Variants in C1orf167 observed in about 807,000 individuals in gnomAD.
C1orf167 encodes uncharacterized protein C1orf167.
Under a neutral mutation model 176.5 loss-of-function variants are expected in C1orf167, and 153 were observed. That is an observed-to-expected ratio of 0.87 (90% CI 0.76 to 0.99). C1orf167 has a LOEUF of 0.99. Among genes scored for constraint, C1orf167 ranks in the 50% least tolerant of loss-of-function variants. The pLI is 0.00. For synonymous variants in C1orf167, 594 were observed against 752.7 expected (o/e 0.79, Z 3.45); for missense variants, 1,490 against 1,817.7 (o/e 0.82, Z 3.28).
At chr1:11,786,837 A>C (rs1227081488) in intron 16 of C1orf167, 1 of 152,210 alleles carries the variant, frequency 6.6e-6, no homozygotes, top group African/African-American at 2.4e-5. Flanking sequence ...CAGATTCTGG[A>C]GTCTCAGGGT....
chr1:11,772,623 T>C (rs1283073682), intron 8 of C1orf167, among the ~76,000 whole-genome samples: 3 of 151,970 alleles, frequency 2.0e-5, no homozygotes, highest in East Asian at 1.9e-4. Flanking sequence ...AGGATGCAAA[T>C]AGGAAATGAA....
rs1378173368 is a variant in C1orf167, at chr1:11,779,889, G to T, written c.2739G>T (p.Arg913Ser). 1.5e-6 allele frequency: 2 copies of T among 1,303,150 alleles called. No homozygotes were observed. The highest frequency in any genetic ancestry group is 2.0e-6 in the Non-Finnish European group (2 of 988,864). 80.7% of individuals were successfully genotyped at this position (1,303,150 alleles called of 1,614,324 possible). ...ACCGGGCCTGGGATCGGACCTGCAGGGCTGTGCTGGGCCTGTGGCGTCAGC... is the reference window on the plus strand; with the variant it reads ...ACCGGGCCTGGGATCGGACCTGCAGTGCTGTGCTGGGCCTGTGGCGTCAGC... ...ASHRAWDRTC[R>S]AVLGLWRQRL... The change falls in exon 13 of 21, where the codon AGG becomes AGT. Residue 913 changes from arginine to serine, a missense_variant. By Grantham distance (110) the Arg-to-Ser change is moderately radical. Coordinates refer to ENST00000688073, the MANE Select transcript of C1orf167 (RefSeq NM_001010881.2).
In C1orf167 at chr1:11,766,931, C is replaced by T. The variant is rs1432343076; in HGVS notation, c.1145C>T (p.Thr382Ile). Reference sequence around the variant, plus strand: ...CCTCGAGGGGTGGGAAGCAGGGGGACCGACCCCTGTTCCTCAGCCTTCTCC... The same window carrying T: ...CCTCGAGGGGTGGGAAGCAGGGGGATCGACCCCTGTTCCTCAGCCTTCTCC... ...SLPRGVGSRG[T>I]DPCSSAFSNT... Residue 382 changes from threonine to isoleucine, a missense_variant, in exon 3 of 21, where the codon ACC becomes ATC. Thr to Ile is a moderately conservative substitution (Grantham distance 89). Coordinates refer to ENST00000688073, the MANE Select transcript of C1orf167 (RefSeq NM_001010881.2). This position sits in a 1 kb window ranked among gnomAD's most constrained non-coding sequence, Gnocchi z 4.5. 1 of 1,215,086 alleles carries T rather than the reference C, an allele frequency of 8.2e-7. No individual in the cohort carries two copies. The highest frequency in any genetic ancestry group is 1.1e-6 in the Non-Finnish European group (1 of 951,644). 75.3% of individuals were successfully genotyped at this position (1,215,086 alleles called of 1,614,324 possible). A position where few individuals can be genotyped will look rare whatever the true frequency, so the allele number is the denominator to read the frequency against.
Position 11,789,527 on chromosome 1 carries a change from T to TGAC in C1orf167, c.*82_*84dup. 1 of 1,202,264 alleles carries TGAC rather than the reference T, an allele frequency of 8.3e-7. No individual in the cohort carries two copies. Among genetic ancestry groups the TGAC allele is most frequent in the Non-Finnish European group, 1.1e-6 (1 of 917,074 alleles). 74.5% of individuals were successfully genotyped at this position (1,202,264 alleles called of 1,614,324 possible). On this transcript the variant is annotated 3_prime_UTR_variant, in exon 21 of 21. Coordinates refer to ENST00000688073, the MANE Select transcript of C1orf167 (RefSeq NM_001010881.2). ...CATGCCCCACACATCCAGGGAGTGA[T>TGAC]GACAGAGGGGACAGCTTGAAGAGCT...
chr1:11,779,725 G>A, intron 12 of C1orf167, 77 bp from the exon 13 acceptor site: 1 of 1,102,210 alleles, frequency 9.1e-7, no homozygotes, highest in Non-Finnish European at 1.2e-6. Flanking sequence ...GAGAGGAAGA[G>A]AAAGGAGGGT....
At chr1:11,765,753 G>A (rs977319678) in intron 2 of C1orf167, 104 bp from the exon 3 acceptor site, 15 of 1,067,256 alleles carry the variant, frequency 1.4e-5, no homozygotes, top group African/African-American at 1.2e-4. Flanking sequence ...GCTCCCTCCC[G>A]CTGCTGGGGC....
intron 14 of C1orf167, 129 bp downstream of exon 14, chr1:11,782,462 A>G: frequency 9.9e-6 from 9 of 907,830 alleles, no homozygotes; most frequent in Non-Finnish European, 1.3e-5. Flanking sequence ...AAAAAGGGGC[A>G]TGAAGGGAGA....
At chr1:11,780,139 T>C (rs528252967) in intron 13 of C1orf167, 129 bp downstream of exon 13, 2 of 622,320 alleles carry the variant, frequency 3.2e-6, no homozygotes, top group Admixed American at 7.8e-5. Context: ...GAGGCTAAGC[T>C]ACATCTGGAC....
At position 11,766,324 on chromosome 1, in the gene C1orf167, G is replaced by A. The variant is rs950241079; in HGVS notation, c.538G>A (p.Asp180Asn). The change falls in exon 3 of 21, where the codon GAC (aspartate) becomes AAC (asparagine). Residue 180 changes from aspartate (D) to asparagine (N), a missense_variant. Coordinates refer to ENST00000688073, the MANE Select transcript of C1orf167 (RefSeq NM_001010881.2). This position sits in a 1 kb window ranked among gnomAD's most constrained non-coding sequence, Gnocchi z 4.5. ...GCCGGCCCCAGGCACCCCTAGCGGG[G>A]ACTTCAGGCCCACTGAAGCCTTTGC... ...GLPAPGTPSGDFRPTEAFAPL... is the reference protein window; with the variant it reads ...GLPAPGTPSGNFRPTEAFAPL... 31 of 1,287,294 alleles carry A rather than the reference G, an allele frequency of 2.4e-5. No homozygotes were observed. Among genetic ancestry groups the A allele is most frequent in the Non-Finnish European group, 2.8e-5 (28 of 987,946 alleles). 79.7% of individuals were successfully genotyped at this position (1,287,294 alleles called of 1,614,324 possible). A position where few individuals can be genotyped will look rare whatever the true frequency, so the allele number is the denominator to read the frequency against.
intron 13 of C1orf167, among the ~76,000 whole-genome samples, chr1:11,781,459 G>A (rs1173904849): frequency 6.6e-6 from 1 of 152,142 alleles, no homozygotes; most frequent in Non-Finnish European, 1.5e-5. Flanking sequence ...CCACTACACC[G>A]ACATATCGCA....
chr1:11,775,967 T>A (rs1643292988), intron 9 of C1orf167, among the ~76,000 whole-genome samples: 1 of 152,106 alleles, frequency 6.6e-6, no homozygotes. Context: ...ACCCCAAAAC[T>A]TAACTGGGGG....
intron 9 of C1orf167, 47 bp from the exon 10 acceptor site, chr1:11,776,417 T>C: frequency 7.9e-7 from 1 of 1,273,760 alleles, no homozygotes; most frequent in Non-Finnish European, 1.0e-6. Context: ...GTGGGCAGAG[T>C]GAGGTCAGTG....
chr1:11,765,599 C>T (rs1215376819), intron 2 of C1orf167, among the ~76,000 whole-genome samples: 1 of 151,920 alleles, frequency 6.6e-6, no homozygotes, highest in Non-Finnish European at 1.5e-5. Context: ...CGTCATCTCT[C>T]TCCTGGGACC....
intron 16 of C1orf167, among the ~76,000 whole-genome samples, chr1:11,785,532 T>C (rs980717176): frequency 1.8e-4 from 27 of 152,164 alleles, no homozygotes; most frequent in African/African-American, 6.3e-4. Flanking sequence ...TCCCCAGTTC[T>C]CAGTCAGCCT....
chr1:11,784,073 G>A (rs1031610920), intron 14 of C1orf167, 101 bp from the exon 15 acceptor site: 118 of 1,087,402 alleles, frequency 1.1e-4, no homozygotes, highest in Non-Finnish European at 1.3e-4. Flanking sequence ...GGTCAGGCTG[G>A]TCTCAAACTG....
intron 10 of C1orf167, chr1:11,777,017 C>T (rs1643351727): frequency 1.3e-5 from 2 of 155,482 alleles, no homozygotes; most frequent in South Asian, 3.9e-4. Context: ...TCCCAGCTCC[C>T]TGCAGGTGCC....
rs1169792573 is a variant in C1orf167 at position 11,768,036 on chromosome 1, G to A, written c.1344-41G>A. ...GCCACTGGGCTGTCCCTGGGGATAG[G>A]AGGGCAGTCCACACCCTGATCAGCC... On this transcript the variant is annotated intron_variant, in intron 4 of 20. Transcript: ENST00000688073. The surrounding 1 kb of genome is among the most constrained non-coding windows in gnomAD (Gnocchi z 4.5). 8.1e-7 allele frequency: 1 copy of A among 1,231,328 alleles called. No homozygotes were observed. The highest frequency in any genetic ancestry group is 2.6e-5 in the Admixed American group (1 of 37,826). The allele number at this position is 1,231,328 out of a possible 1,614,324, so 76.3% of individuals were successfully genotyped here.
intron 13 of C1orf167, among the ~76,000 whole-genome samples, chr1:11,780,745 G>T (rs1643557186): frequency 6.6e-6 from 1 of 152,176 alleles, no homozygotes; most frequent in African/African-American, 2.4e-5. Context: ...AGCAGAGTTA[G>T]TCAGGGAGGG....
intron 8 of C1orf167, among the ~76,000 whole-genome samples, chr1:11,775,161 T>C (rs930123623): frequency 2.0e-5 from 3 of 152,114 alleles, no homozygotes; most frequent in Non-Finnish European, 2.9e-5. Context: ...TGGTGGTGCA[T>C]GCTTGTAGTC....
Sources: allele counts gnomAD v4.1 joint callset (sites outside exome capture counted in the v4.1 genomes callset), GRCh38; gene constraint gnomAD v4.1.1; non-coding constraint Gnocchi (gnomAD v3.1); transcripts MANE v1.5; gene names NCBI Gene and HGNC (gene_info 2026-07-23, HGNC 2026-07-21).